Variants in KCNG2 observed in about 807,000 individuals in gnomAD.
KCNG2 encodes potassium voltage-gated channel modifier subfamily G member 2, also known as voltage-gated potassium channel regulatory subunit KCNG2.
KCNG2 carries 7 observed loss-of-function variants against 12.3 expected under a neutral mutation model. The ratio of observed to expected loss-of-function variants is 0.57; its 90% confidence interval spans 0.32 to 1.07. The LOEUF (loss-of-function observed/expected upper bound fraction) is 1.07. KCNG2 is among the 50% of genes least tolerant of loss of function. The pLI, the probability that KCNG2 is intolerant of heterozygous loss-of-function variation, is 0.04. For synonymous variants in KCNG2, 414 were observed against 351.4 expected, an observed-to-expected ratio of 1.18 and a Z score of -1.99; for missense variants, 703 against 726.0, an observed-to-expected ratio of 0.97 and a Z score of 0.36.
intron 1 of KCNG2, among the ~76,000 whole-genome samples, chr18:79,817,339 A>G (rs536116839): frequency 6.6e-6 from 1 of 152,382 alleles, no homozygotes; most frequent in African/African-American, 2.4e-5. Context: ...CATGCCTGTC[A>G]CATGGTTGTC....
rs975801767 is a variant in KCNG2 at position 79,881,921 on chromosome 18, G to A, written c.625-17119G>A. 9.9e-5 allele frequency among the ~76,000 whole-genome samples: 15 copies of A among 152,168 alleles called. 1 individual carries two copies. The highest frequency in any genetic ancestry group is 1.8e-4 in the Non-Finnish European group (12 of 68,044). ...TAGAACCACATGAATGGGGCCAGCC[G>A]GCGTTTGGCAAAGTGAAAAGGCCGG... On this transcript the variant is annotated intron_variant, in intron 3 of 3. Transcript: ENST00000316249.
intron 1 of KCNG2, among the ~76,000 whole-genome samples, chr18:79,833,930 G>A (rs1391035975): frequency 2.0e-5 from 3 of 152,230 alleles, no homozygotes; most frequent in Admixed American, 1.3e-4. Flanking sequence ...TCAGAGTTGT[G>A]CACATCTGGC....
chr18:79,870,193 C>G (rs935733760), intron 3 of KCNG2, among the ~76,000 whole-genome samples: 2 of 152,266 alleles, frequency 1.3e-5, no homozygotes, highest in African/African-American at 4.8e-5. Flanking sequence ...CGAAGCCCCC[C>G]ACGTCGAAGG....
At chr18:79,882,660 G>C (rs1490458046) in intron 3 of KCNG2, among the ~76,000 whole-genome samples, 1 of 152,262 alleles carries the variant, frequency 6.6e-6, no homozygotes, top group Admixed American at 6.5e-5. Context: ...AAAACCAGCC[G>C]AGAGCAGCAA....
chr18:79,824,143 T>A (rs897441842), intron 1 of KCNG2, among the ~76,000 whole-genome samples: 1 of 152,220 alleles, frequency 6.6e-6, no homozygotes, highest in Admixed American at 6.5e-5. Flanking sequence ...TAGCTGGGAC[T>A]ACAGGCATCA....
At chr18:79,853,113 T>C (rs1023948473) in intron 1 of KCNG2, among the ~76,000 whole-genome samples, 9 of 152,238 alleles carry the variant, frequency 5.9e-5, no homozygotes, top group African/African-American at 1.9e-4. Flanking sequence ...CACTTGTGTG[T>C]GCCCTGAAGT....
intron 1 of KCNG2, among the ~76,000 whole-genome samples, chr18:79,814,382 C>A (rs1488087517): frequency 6.6e-6 from 1 of 152,246 alleles, no homozygotes; most frequent in Non-Finnish European, 1.5e-5. Context: ...GACGATCACA[C>A]TTCTGTACTG....
At chr18:79,889,964 C>T (rs1246086147) in intron 3 of KCNG2, among the ~76,000 whole-genome samples, 2 of 152,132 alleles carry the variant, frequency 1.3e-5, no homozygotes, top group Middle Eastern at 3.2e-3. Context: ...TTTTCTTCAT[C>T]AGTTGACATG....
chr18:79,870,205 G>A (rs541632083), intron 3 of KCNG2, among the ~76,000 whole-genome samples: 5 of 152,346 alleles, frequency 3.3e-5, no homozygotes, highest in Admixed American at 6.5e-5. Flanking sequence ...CGTCGAAGGC[G>A]CCCTGTGAAC....
chr18:79,858,976 A>T (rs1979118767), intron 2 of KCNG2, among the ~76,000 whole-genome samples: 1 of 152,232 alleles, frequency 6.6e-6, no homozygotes, highest in Non-Finnish European at 1.5e-5. Context: ...CTGGACTCTT[A>T]TCAGATACGG....
intron 2 of KCNG2, among the ~76,000 whole-genome samples, chr18:79,862,187 T>C (rs1421046926): frequency 6.6e-6 from 1 of 152,260 alleles, no homozygotes; most frequent in African/African-American, 2.4e-5. Flanking sequence ...TTGTATGCCT[T>C]GTAATTTTTT....
chr18:79,837,975 G>A (rs1057295832), intron 1 of KCNG2, among the ~76,000 whole-genome samples: 2 of 152,154 alleles, frequency 1.3e-5, no homozygotes, highest in East Asian at 3.8e-4. Flanking sequence ...CACATGGCTG[G>A]GGAGGCCTCA....
At chr18:79,886,890 CG>C (rs1347411110) in intron 3 of KCNG2, among the ~76,000 whole-genome samples, 210 of 2,538 alleles carry the variant, frequency 0.083, 52 homozygotes, top group Middle Eastern at 0.5. Context: ...GACGTGGGGA[CG>C]GGGACATGGG....
intron 3 of KCNG2, among the ~76,000 whole-genome samples, chr18:79,887,291 G>C (rs1980560559): frequency 6.6e-6 from 1 of 152,008 alleles, no homozygotes; most frequent in Non-Finnish European, 1.5e-5. Context: ...AGGACACAGG[G>C]ACGGAAATGC....
At chr18:79,871,744 C>T (rs1450076516) in intron 3 of KCNG2, among the ~76,000 whole-genome samples, 1 of 152,210 alleles carries the variant, frequency 6.6e-6, no homozygotes, top group Non-Finnish European at 1.5e-5. Context: ...GTCTGCGTCC[C>T]GTTGGCCTGG....
chr18:79,884,745 C>T lies in KCNG2; in HGVS notation c.625-14295C>T, dbSNP rs1599429970. On this transcript the variant is annotated intron_variant, in intron 3 of 3. Transcript: ENST00000316249. This position sits in a 1 kb window ranked among gnomAD's most constrained non-coding sequence, Gnocchi z 5.5. ...GGGAGCCACGGGGGCAGGGGTCCGC[C>T]CGGCTCTGTGTTCCTCGGGGGGGCT... is the stretch of plus-strand genomic sequence containing the variant. Among the ~76,000 whole-genome samples, 1 of 152,208 alleles carries T rather than the reference C, an allele frequency of 6.6e-6. No individual in the cohort carries two copies. The highest frequency in any genetic ancestry group is 1.5e-5 in the Non-Finnish European group (1 of 68,026).
chr18:79,865,203 CTGCTGAGAGGTCTG>C (rs1404448216), intron 3 of KCNG2, among the ~76,000 whole-genome samples: 11 of 116,964 alleles, frequency 9.4e-5, no homozygotes, highest in East Asian at 5.7e-4. Context: ...AGATATCTGG[CTGCTGAGAGGTCTG>C]TGCTGAGAGG....
At position 79,882,965 on chromosome 18, in the gene KCNG2, G is replaced by A. The variant is rs534177553; in HGVS notation, c.625-16075G>A. 1.3e-3 allele frequency among the ~76,000 whole-genome samples: 193 copies of A among 152,312 alleles called. 1 individual carries two copies. Among genetic ancestry groups the A allele is most frequent in the African/African-American group, 4.5e-3 (186 of 41,534 alleles). ...GCACACCAGCGCCCACGCCCAGGACGTACTCGCGGGAAGGACAGCGTGTGT... is the reference window on the plus strand; with the variant it reads ...GCACACCAGCGCCCACGCCCAGGACATACTCGCGGGAAGGACAGCGTGTGT... On this transcript the variant is annotated intron_variant, in intron 3 of 3. Coordinates refer to ENST00000316249, the MANE Select transcript of KCNG2 (RefSeq NM_012283.2).
chr18:79,882,801 G>A (rs1214933695), intron 3 of KCNG2, among the ~76,000 whole-genome samples: 2 of 149,300 alleles, frequency 1.3e-5, no homozygotes. Context: ...CGCGGAGGCC[G>A]GGTACACCTG....
Sources: gnomAD v4.1 joint callset for allele counts (sites outside exome capture counted in the v4.1 genomes callset) on GRCh38, gnomAD v4.1.1 for gene constraint, Gnocchi (gnomAD v3.1) non-coding constraint, MANE v1.5 for transcripts, NCBI Gene and HGNC (gene_info 2026-07-23, HGNC 2026-07-21) for gene names.